SH3GL3: variants seen among roughly 807,000 people sequenced by gnomAD.
The protein encoded by SH3GL3 is SH3 domain containing GRB2 like 3, endophilin A3.
SH3GL3 carries 33 observed loss-of-function variants against 47.7 expected under a neutral mutation model. That is an observed-to-expected ratio of 0.69 (90% CI 0.52 to 0.92). The LOEUF is 0.92. SH3GL3 is among the 40% of genes least tolerant of loss of function. The pLI, the probability that SH3GL3 is intolerant of heterozygous loss-of-function variation, is 0.00. For missense variants in SH3GL3, 363 were observed against 417.8 expected, an observed-to-expected ratio of 0.87 and a Z score of 1.14; for synonymous variants, 155 against 148.8, an observed-to-expected ratio of 1.04 and a Z score of -0.30.
intron 1 of SH3GL3, among the ~76,000 whole-genome samples, chr15:83,504,456 G>C (rs1021123990): frequency 6.6e-6 from 1 of 152,218 alleles, no homozygotes; most frequent in African/African-American, 2.4e-5. Flanking sequence ...ACAGTGCGAT[G>C]TTGTATTCCA....
At chr15:83,551,791 C>G (rs1401924762) in intron 1 of SH3GL3, among the ~76,000 whole-genome samples, 1 of 152,156 alleles carries the variant, frequency 6.6e-6, no homozygotes, top group Non-Finnish European at 1.5e-5. Flanking sequence ...CTCTTAGAAG[C>G]TGCATATAGC....
At chr15:83,566,246 T>C (rs953773547) in intron 3 of SH3GL3, among the ~76,000 whole-genome samples, 3 of 152,084 alleles carry the variant, frequency 2.0e-5, no homozygotes, top group Non-Finnish European at 4.4e-5. Flanking sequence ...TGGTTATTCC[T>C]AGAGAAGAGG....
At chr15:83,449,116 G>C (rs1273483398) in intron 1 of SH3GL3, among the ~76,000 whole-genome samples, 1 of 152,182 alleles carries the variant, frequency 6.6e-6, no homozygotes, top group Non-Finnish European at 1.5e-5. Context: ...CGAGTTAAAG[G>C]CAGACTCTAG....
At chr15:83,488,537 A>T (rs190701307) in intron 1 of SH3GL3, among the ~76,000 whole-genome samples, 1 of 152,300 alleles carries the variant, frequency 6.6e-6, no homozygotes, top group Admixed American at 6.5e-5. Context: ...TGCTCTTTGT[A>T]TGAGTTAGAA....
chr15:83,557,058 G>T (rs2044998848), intron 1 of SH3GL3, among the ~76,000 whole-genome samples: 1 of 152,230 alleles, frequency 6.6e-6, no homozygotes, highest in Admixed American at 6.5e-5. Flanking sequence ...ATACAGTGTG[G>T]TTTACACTCT....
intron 1 of SH3GL3, among the ~76,000 whole-genome samples, chr15:83,508,322 C>T (rs1160000320): frequency 3.9e-5 from 6 of 152,070 alleles, no homozygotes; most frequent in Admixed American, 3.3e-4. Flanking sequence ...GTAAGGACGC[C>T]GGCTATGTAG....
the SH3GL3 span, among the ~76,000 whole-genome samples, chr15:83,624,204 C>A: frequency 6.6e-6 from 1 of 152,184 alleles, no homozygotes; most frequent in African/African-American, 2.4e-5. Flanking sequence ...ATTCTCCTCT[C>A]TTGTTTTGCT....
intron 2 of SH3GL3, among the ~76,000 whole-genome samples, chr15:83,561,834 G>A (rs2045289003): frequency 6.6e-6 from 1 of 152,140 alleles, no homozygotes; most frequent in Non-Finnish European, 1.5e-5. Flanking sequence ...GGAGTCAGTG[G>A]CACAGGCCTT....
intron 8 of SH3GL3, among the ~76,000 whole-genome samples, chr15:83,590,811 C>A (rs1267941633): frequency 6.6e-6 from 1 of 152,140 alleles, no homozygotes; most frequent in Admixed American, 6.5e-5. Flanking sequence ...GATTTATTCT[C>A]AATACAGGTT....
chr15:83,450,040 G>A (rs1443386248), intron 1 of SH3GL3, among the ~76,000 whole-genome samples: 1 of 152,162 alleles, frequency 6.6e-6, no homozygotes, highest in Non-Finnish European at 1.5e-5. Flanking sequence ...GATGTCAATG[G>A]CTAAAATAAT....
At chr15:83,467,677 G>A (rs2040628637) in intron 1 of SH3GL3, among the ~76,000 whole-genome samples, 1 of 152,184 alleles carries the variant, frequency 6.6e-6, no homozygotes, top group African/African-American at 2.4e-5. Context: ...TGGATATGGT[G>A]TATCTCTGTG....
intron 1 of SH3GL3, among the ~76,000 whole-genome samples, chr15:83,523,853 A>C (rs2151658261): frequency 6.6e-6 from 1 of 152,150 alleles, no homozygotes; most frequent in African/African-American, 2.4e-5. Context: ...CCCTGGAAAC[A>C]ATGTGTTGTT....
intron 1 of SH3GL3, among the ~76,000 whole-genome samples, chr15:83,517,884 A>G (rs919619539): frequency 6.6e-6 from 1 of 151,664 alleles, no homozygotes; most frequent in Non-Finnish European, 1.5e-5. Context: ...TCAGTTTTTC[A>G]CCCCTCACCT....
chr15:83,498,275 G>A (rs576170247), intron 1 of SH3GL3, among the ~76,000 whole-genome samples: 1 of 152,262 alleles, frequency 6.6e-6, no homozygotes, highest in South Asian at 2.1e-4. Flanking sequence ...ATAGCACTCT[G>A]GAGCTGATTA....
At chr15:83,589,790 C>T (rs1014784513) in intron 8 of SH3GL3, among the ~76,000 whole-genome samples, 13 of 152,210 alleles carry the variant, frequency 8.5e-5, no homozygotes, top group African/African-American at 3.1e-4. Context: ...ATAGATCTAT[C>T]CCACTGTTTT....
intron 1 of SH3GL3, among the ~76,000 whole-genome samples, chr15:83,555,839 A>G (rs2044927834): frequency 6.6e-6 from 1 of 152,246 alleles, no homozygotes; most frequent in South Asian, 2.1e-4. Flanking sequence ...GAAGCCCAGC[A>G]GGCCCGAGGC....
intron 8 of SH3GL3, among the ~76,000 whole-genome samples, chr15:83,608,607 A>G (rs1340219730): frequency 1.3e-5 from 2 of 152,132 alleles, no homozygotes; most frequent in Non-Finnish European, 2.9e-5. Context: ...CTCAGAGGAG[A>G]TGGTATCTCA....
intron 6 of SH3GL3, among the ~76,000 whole-genome samples, chr15:83,584,477 C>T (rs1021378684): frequency 6.6e-6 from 1 of 152,070 alleles, no homozygotes; most frequent in African/African-American, 2.4e-5. Flanking sequence ...TACCTCAGGC[C>T]CCCTCTGGTT....
intron 1 of SH3GL3, among the ~76,000 whole-genome samples, chr15:83,513,414 T>A (rs1283806197): frequency 6.6e-6 from 1 of 152,194 alleles, no homozygotes; most frequent in African/African-American, 2.4e-5. Flanking sequence ...AACCCTCCAC[T>A]GTTGAGCCAC....
Sources: gnomAD v4.1 joint callset for allele counts (sites outside exome capture counted in the v4.1 genomes callset) on GRCh38, gnomAD v4.1.1 for gene constraint, MANE v1.5 for transcripts, NCBI Gene and HGNC (gene_info 2026-07-23, HGNC 2026-07-21) for gene names.